Variants in WWOX observed in about 807,000 individuals in gnomAD.
WWOX encodes the protein WW domain-containing oxidoreductase.
WWOX carries 69 observed loss-of-function variants against 46.2 expected under a neutral mutation model. That is an observed-to-expected ratio of 1.49 (90% CI 1.23 to 1.82). The LOEUF (loss-of-function observed/expected upper bound fraction) is 1.82, where lower values mean the gene tolerates loss of function less well. Among genes scored for constraint, WWOX ranks in the 40% most tolerant of loss-of-function variants. The probability of loss-of-function intolerance (pLI) is 0.00; values close to 1 mark genes in which losing one functional copy is unlikely to be tolerated. For missense variants in WWOX, 919 were observed against 542.6 expected, an observed-to-expected ratio of 1.69 and a Z score of -6.89; for synonymous variants, 359 against 202.6, an observed-to-expected ratio of 1.77 and a Z score of -6.56.
chr16:78,660,084 G>A (rs1222201130), intron 8 of WWOX, among the ~76,000 whole-genome samples: 10 of 152,172 alleles, frequency 6.6e-5, no homozygotes, highest in African/African-American at 2.4e-4. Flanking sequence ...TCTTCTCTGT[G>A]CAAGTGTGTG....
chr16:78,971,976 C>G (rs1319190715), intron 8 of WWOX, among the ~76,000 whole-genome samples: 1 of 152,132 alleles, frequency 6.6e-6, no homozygotes, highest in African/African-American at 2.4e-5. Flanking sequence ...GGAGCTCTTC[C>G]CAGGCCGAGG....
At chr16:78,492,236 A>G (rs1424168945) in intron 8 of WWOX, among the ~76,000 whole-genome samples, 2 of 152,206 alleles carry the variant, frequency 1.3e-5, no homozygotes, top group African/African-American at 2.4e-5. Flanking sequence ...AACCTGAGCC[A>G]CAAGGCAGTA....
At chr16:78,561,851 G>C (rs998289338) in intron 8 of WWOX, among the ~76,000 whole-genome samples, 1 of 152,148 alleles carries the variant, frequency 6.6e-6, no homozygotes, top group African/African-American at 2.4e-5. Flanking sequence ...AGCAGTGGAA[G>C]TGAATTGAAA....
rs71140849 is a variant in WWOX, at chr16:78,967,286, C to CTTTTT, written c.1057-244299_1057-244295dup. 3.2e-4 allele frequency among the ~76,000 whole-genome samples: 18 copies of CTTTTT among 56,850 alleles called. 3 individuals are homozygous for CTTTTT. Among genetic ancestry groups the CTTTTT allele is most frequent in the South Asian group, 1.1e-3 (1 of 934 alleles). 37.3% of individuals were successfully genotyped at this position (56,850 alleles called of 152,430 possible). A position where few individuals can be genotyped will look rare whatever the true frequency, so the allele number is the denominator to read the frequency against. On this transcript the variant is annotated intron_variant, in intron 8 of 8. Transcript: ENST00000566780. The stretch of plus-strand genomic sequence containing the variant: ...GGCAACTACTCCTGCCTGCCGAGGC[C>CTTTTT]TTTTTTTTTTTTTTTTTTTTTTTTT...
rs149897731 is a variant in WWOX at position 79,138,944 on chromosome 16, A to G, written c.1057-72664A>G. ...TCGACCAGGGTAAGGCTTACAGGCA[A>G]TCCATTCACTGCAGAGTCTTCCCCC... On this transcript the variant is annotated intron_variant, in intron 8 of 8. Transcript: ENST00000566780. Among the ~76,000 whole-genome samples, 856 of 152,252 alleles carry G rather than the reference A, an allele frequency of 5.6e-3. 3 individuals are homozygous for G. Among genetic ancestry groups the G allele is most frequent in the Non-Finnish European group, 8.1e-3 (554 of 68,022 alleles).
intron 5 of WWOX, among the ~76,000 whole-genome samples, chr16:78,204,434 A>G (rs2036327965): frequency 6.6e-6 from 1 of 152,144 alleles, no homozygotes; most frequent in Non-Finnish European, 1.5e-5. Context: ...TTTTAGTTAT[A>G]TAAAAATGTA....
chr16:78,767,448 G>A (rs1829439783), intron 8 of WWOX, among the ~76,000 whole-genome samples: 1 of 149,892 alleles, frequency 6.7e-6, no homozygotes, highest in Non-Finnish European at 1.5e-5. Flanking sequence ...CTTTGTTATG[G>A]CTGAATAATG....
intron 8 of WWOX, among the ~76,000 whole-genome samples, chr16:79,029,827 A>G (rs942582036): frequency 6.6e-6 from 1 of 152,226 alleles, no homozygotes; most frequent in Non-Finnish European, 1.5e-5. Context: ...CTGTAGATTC[A>G]TCAAACATTG....
chr16:78,112,710 TTTTTTTA>T (rs1319387606), intron 3 of WWOX, among the ~76,000 whole-genome samples: 1 of 151,636 alleles, frequency 6.6e-6, no homozygotes, highest in Non-Finnish European at 1.5e-5. Flanking sequence ...TTTCTTTTTT[TTTTTTTA>T]TACTGGGTCT....
At chr16:78,629,151 G>C (rs780233877) in intron 8 of WWOX, among the ~76,000 whole-genome samples, 1 of 151,984 alleles carries the variant, frequency 6.6e-6, no homozygotes, top group African/African-American at 2.4e-5. Flanking sequence ...ACCACTGCTC[G>C]CATTCCCATG....
chr16:78,387,809 A>G (rs1161366371), intron 6 of WWOX, among the ~76,000 whole-genome samples: 4 of 152,132 alleles, frequency 2.6e-5, no homozygotes, highest in Non-Finnish European at 5.9e-5. Flanking sequence ...TGATTCAAAC[A>G]TGAGGATTAA....
chr16:78,566,597 C>T (rs551674357), intron 8 of WWOX, among the ~76,000 whole-genome samples: 4 of 152,200 alleles, frequency 2.6e-5, no homozygotes, highest in African/African-American at 7.2e-5. Flanking sequence ...CAGAGGCAGC[C>T]GGAAGCTGTG....
chr16:79,068,417 G>T (rs903424239), intron 8 of WWOX, among the ~76,000 whole-genome samples: 1 of 151,958 alleles, frequency 6.6e-6, no homozygotes, highest in East Asian at 1.9e-4. Context: ...GAGTAGCTCT[G>T]TGCTGCCTGA....
chr16:79,104,566 G>C (rs1406018900), intron 8 of WWOX, among the ~76,000 whole-genome samples: 1 of 152,178 alleles, frequency 6.6e-6, no homozygotes, highest in Non-Finnish European at 1.5e-5. Context: ...GTACGGTTAA[G>C]TATTGATACA....
At chr16:78,577,374 C>G (rs56342921) in intron 8 of WWOX, among the ~76,000 whole-genome samples, 6 of 152,070 alleles carry the variant, frequency 3.9e-5, no homozygotes, top group African/African-American at 1.5e-4. Flanking sequence ...GCTTTTAAAA[C>G]TGAGCATTTG....
chr16:78,764,118 C>A (rs568473132), intron 8 of WWOX, among the ~76,000 whole-genome samples: 1 of 152,156 alleles, frequency 6.6e-6, no homozygotes, highest in Non-Finnish European at 1.5e-5. Flanking sequence ...GGATAAAAAT[C>A]GTGTCACCAC....
At chr16:78,427,369 T>A (rs2083106889) in intron 7 of WWOX, among the ~76,000 whole-genome samples, 1 of 152,152 alleles carries the variant, frequency 6.6e-6, no homozygotes, top group East Asian at 1.9e-4. Context: ...CTAAAATACA[T>A]CATAGTGAAA....
chr16:78,920,300 G>T (rs980861590), intron 8 of WWOX, among the ~76,000 whole-genome samples: 1 of 152,146 alleles, frequency 6.6e-6, no homozygotes, highest in Non-Finnish European at 1.5e-5. Context: ...TCTGGGGCAG[G>T]GATGTGTAAT....
intron 5 of WWOX, among the ~76,000 whole-genome samples, chr16:78,173,436 A>G: frequency 6.7e-6 from 1 of 148,270 alleles, no homozygotes; most frequent in East Asian, 2.0e-4. Flanking sequence ...CTACAGGCTT[A>G]TGCCACCACA....
Sources: allele counts gnomAD v4.1 joint callset (sites outside exome capture counted in the v4.1 genomes callset), GRCh38; gene constraint gnomAD v4.1.1; transcripts MANE v1.5; gene names NCBI Gene and HGNC (gene_info 2026-07-23, HGNC 2026-07-21).